FSIP2: variants seen among roughly 807,000 people sequenced by gnomAD.
FSIP2 encodes fibrous sheath-interacting protein 2.
FSIP2 carries 367 observed loss-of-function variants against 510.5 expected under a neutral mutation model. That is an observed-to-expected ratio of 0.72 (90% confidence interval 0.66 to 0.78). The LOEUF (loss-of-function observed/expected upper bound fraction) is 0.78. Among genes scored for constraint, FSIP2 ranks in the 30% least tolerant of loss-of-function variants. FSIP2 has a pLI of 0.00. For synonymous variants in FSIP2, 2,601 were observed against 2,732.2 expected (o/e 0.95, Z 1.50); for missense variants, 7,594 against 7,901.7 (o/e 0.96, Z 1.48).
intron 7 of FSIP2, among the ~76,000 whole-genome samples, chr2:185,752,359 T>C (rs1362339688): frequency 6.6e-6 from 1 of 151,316 alleles, no homozygotes; most frequent in Non-Finnish European, 1.5e-5. Flanking sequence ...TTAAAATTTT[T>C]CTTTTTATCC....
intron 13 of FSIP2, 73 bp from the exon 14 acceptor site, chr2:185,782,632 A>C: frequency 1.2e-6 from 1 of 849,770 alleles, no homozygotes; most frequent in Non-Finnish European, 1.9e-6. Context: ...ATAAATACCT[A>C]CTGGAGGATT....
Position 185,806,982 on chromosome 2 carries a change from T to A in FSIP2, c.17676T>A (p.Pro5892=). The A allele has an allele frequency of 6.2e-7, 1 of 1,608,782 alleles. No individual in the cohort carries two copies. Among genetic ancestry groups the A allele is most frequent in the South Asian group, 1.1e-5 (1 of 90,070 alleles). The change falls in exon 17 of 23, where the codon CCT becomes CCA. Residue 5892 remains proline (P), a synonymous_variant. Coordinates refer to ENST00000424728, the MANE Select transcript of FSIP2 (RefSeq NM_173651.4). ...TAAAATCTGCAGATAAAATGCCACC[T>A]ATGCATAAAATGATGAGAAAACCTT... ...IKIKSADKMP[P]MHKMMRKPSS... is the part of the protein sequence containing the mutation.
chr2:185,803,822 A>C lies in FSIP2; in HGVS notation c.14516A>C (p.Lys4839Thr). 1 of 1,501,122 alleles carries C rather than the reference A, an allele frequency of 6.7e-7. No individual in the cohort carries two copies. 93.0% of individuals were successfully genotyped at this position (1,501,122 alleles called of 1,614,324 possible). A position where few individuals can be genotyped will look rare whatever the true frequency, so the allele number is the denominator to read the frequency against. ...LINEIMSIIS[K>T]HEICIIKYGN... ...AATGAAATTATGTCAATAATTTCAAAACATGAAATATGTATTATTAAATAT... is the reference window on the plus strand; with the variant it reads ...AATGAAATTATGTCAATAATTTCAACACATGAAATATGTATTATTAAATAT... The change falls in exon 17 of 23, where the codon AAA (lysine) becomes ACA (threonine). Residue 4839 changes from lysine to threonine, a missense_variant. Coordinates refer to ENST00000424728, the MANE Select transcript of FSIP2 (RefSeq NM_173651.4).
chr2:185,752,886 A>G (rs1692176076), intron 7 of FSIP2, among the ~76,000 whole-genome samples: 1 of 151,434 alleles, frequency 6.6e-6, no homozygotes, highest in South Asian at 2.1e-4. Context: ...TACTTTGTAT[A>G]CTGAATATTT....
In FSIP2 at chr2:185,793,580, T is replaced by G; in HGVS notation, c.6444T>G (p.Pro2148=). The change falls in exon 16 of 23, where the codon CCT becomes CCG. Residue 2148 remains proline, a synonymous_variant. Coordinates refer to ENST00000424728, the MANE Select transcript of FSIP2 (RefSeq NM_173651.4). ...ANKIIPKLSV[P]KSDVILISND... Reference sequence around the variant, plus strand: ...AGATTATTCCTAAGCTTTCAGTTCCTAAATCAGATGTCATTTTGATATCCA... The same window carrying G: ...AGATTATTCCTAAGCTTTCAGTTCCGAAATCAGATGTCATTTTGATATCCA... The G allele has an allele frequency of 6.5e-7, 1 of 1,534,306 alleles. No individual in the cohort carries two copies. The highest frequency in any genetic ancestry group is 8.7e-7 in the Non-Finnish European group (1 of 1,145,662).
At chr2:185,786,765 C>CCTAA (rs1692990805) in intron 15 of FSIP2, among the ~76,000 whole-genome samples, 1 of 151,722 alleles carries the variant, frequency 6.6e-6, no homozygotes, top group African/African-American at 2.4e-5. Context: ...TTTTATGAGG[C>CCTAA]CTAACTCTGG....
Position 185,772,584 on chromosome 2 carries a change from C to T in FSIP2, c.1411+8019C>T, listed in dbSNP as rs141393309. Among the ~76,000 whole-genome samples, 4 of 152,210 alleles carry T rather than the reference C, an allele frequency of 2.6e-5. No individual in the cohort carries two copies. In the East Asian group the frequency reaches 7.8e-4, roughly 30 times the overall value. ...TGTGAACTCAGCACAAGAACTCACTCATTACTGCTGTAAGGAGGGCACCAA... is the reference window on the plus strand; with the variant it reads ...TGTGAACTCAGCACAAGAACTCACTTATTACTGCTGTAAGGAGGGCACCAA... On this transcript the variant is annotated intron_variant, in intron 13 of 22. Transcript: ENST00000424728.
chr2:185,818,810 G>A (rs1362771979), intron 19 of FSIP2, among the ~76,000 whole-genome samples: 3 of 151,778 alleles, frequency 2.0e-5, no homozygotes, highest in Non-Finnish European at 4.4e-5. Context: ...TACCTGACAA[G>A]AAATGCTAAA....
chr2:185,761,054 C>T lies in FSIP2; in HGVS notation c.1145C>T (p.Ala382Val), dbSNP rs1300593056. ...AATAATTTTACGAAAAAAAACTCAG[C>T]TTCTGTTGTTTATCAGGCAGATGTA... ...SSNNFTKKNS[A>V]SVVYQADVQD... is the part of the protein sequence containing the mutation. The change falls in exon 10 of 23, where the codon GCT (alanine) becomes GTT (valine). Residue 382 changes from alanine (A) to valine (V), a missense_variant. Transcript: ENST00000424728. The T allele has an allele frequency of 1.3e-6, 2 of 1,504,614 alleles. No homozygotes were observed. The highest frequency in any genetic ancestry group is 8.9e-7 in the Non-Finnish European group (1 of 1,122,802). The allele number at this position is 1,504,614 out of a possible 1,614,324, so 93.2% of individuals were successfully genotyped here. A position where few individuals can be genotyped will look rare whatever the true frequency, so the allele number is the denominator to read the frequency against.
intron 19 of FSIP2, among the ~76,000 whole-genome samples, chr2:185,818,718 CA>C (rs1693865886): frequency 6.6e-6 from 1 of 151,572 alleles, no homozygotes; most frequent in Non-Finnish European, 1.5e-5. Context: ...CTACATCCAG[CA>C]AAAAATGTTC....
Position 185,791,769 on chromosome 2 carries a change from G to A in FSIP2, c.4633G>A (p.Val1545Ile). The change falls in exon 16 of 23, where the codon GTT becomes ATT. Residue 1545 changes from valine (V) to isoleucine (I), a missense_variant. Val to Ile is a conservative substitution (Grantham distance 29). Transcript: ENST00000424728. ...KIISSIVSRR[V>I]QEDNKEETKS... The stretch of plus-strand genomic sequence containing the variant: ...AATCTCCAGCATAGTTTCCAGAAGG[G>A]TTCAGGAGGACAATAAAGAAGAGAC... 1.3e-6 allele frequency: 2 copies of A among 1,534,536 alleles called. No homozygotes were observed. The highest frequency in any genetic ancestry group is 1.7e-6 in the Non-Finnish European group (2 of 1,145,678).
chr2:185,803,739 T>C lies in FSIP2; in HGVS notation c.14433T>C (p.Ser4811=). 1 of 1,532,778 alleles carries C rather than the reference T, an allele frequency of 6.5e-7. No individual in the cohort carries two copies. Among genetic ancestry groups the C allele is most frequent in the South Asian group, 1.2e-5 (1 of 83,884 alleles). 94.9% of individuals were successfully genotyped at this position (1,532,778 alleles called of 1,614,324 possible). A position where few individuals can be genotyped will look rare whatever the true frequency, so the allele number is the denominator to read the frequency against. ...LTSQISPLNT[S]AEQSDTTKSD... is the part of the protein sequence containing the mutation. ...CTCAGATAAGTCCATTGAACACCAG[T>C]GCAGAGCAGTCAGATACTACTAAAT... is the stretch of plus-strand genomic sequence containing the variant. Residue 4811 remains serine (S), a synonymous_variant, in exon 17 of 23, where the codon AGT becomes AGC. Coordinates refer to ENST00000424728, the MANE Select transcript of FSIP2 (RefSeq NM_173651.4).
Position 185,795,336 on chromosome 2 carries a change from G to A in FSIP2, c.8200G>A (p.Glu2734Lys). ...NLLDTKLPTS[E>K]LKIYAKDIII... ...ACTGGACACAAAATTGCCCACTTCAGAACTAAAAATATATGCCAAGGATAT... is the reference window on the plus strand; with the variant it reads ...ACTGGACACAAAATTGCCCACTTCAAAACTAAAAATATATGCCAAGGATAT... Residue 2734 changes from glutamate to lysine, a missense_variant, in exon 16 of 23, where the codon GAA becomes AAA. Glu to Lys is a moderately conservative substitution (Grantham distance 56). Coordinates refer to ENST00000424728, the MANE Select transcript of FSIP2 (RefSeq NM_173651.4). 2 of 1,534,760 alleles carry A rather than the reference G, an allele frequency of 1.3e-6. No individual in the cohort carries two copies. Among genetic ancestry groups the A allele is most frequent in the Non-Finnish European group, 1.7e-6 (2 of 1,146,138 alleles).
Position 185,813,800 on chromosome 2 carries a change from C to A in FSIP2, c.20083C>A (p.Gln6695Lys). The A allele has an allele frequency of 6.2e-7, 1 of 1,613,416 alleles. No individual in the cohort carries two copies. ...DQVKEVKKPIQSKLSPKSTLS... is the reference protein window; with the variant it reads ...DQVKEVKKPIKSKLSPKSTLS... ...AGTGAAAGAAGTCAAGAAGCCAATA[C>A]AAAGCAAACTTTCTCCTAAGTCAAC... The change falls in exon 18 of 23, where the codon CAA becomes AAA. Residue 6695 changes from glutamine (Q) to lysine (K), a missense_variant. Gln to Lys is a moderately conservative substitution (Grantham distance 53). Coordinates refer to ENST00000424728, the MANE Select transcript of FSIP2 (RefSeq NM_173651.4).
chr2:185,827,106 T>C (rs1413900396), intron 20 of FSIP2, among the ~76,000 whole-genome samples: 2 of 151,828 alleles, frequency 1.3e-5, no homozygotes, highest in East Asian at 3.9e-4. Context: ...TAAACCCAAA[T>C]GTCCTCAATC....
rs999126333 is a variant in FSIP2 at position 185,808,737 on chromosome 2, T to G, written c.19431T>G (p.Ala6477=). The change falls in exon 17 of 23, where the codon GCT becomes GCG. Residue 6477 remains alanine (A), a synonymous_variant. Coordinates refer to ENST00000424728, the MANE Select transcript of FSIP2 (RefSeq NM_173651.4). ...CAATTAACTCAACAATTTCAAATGC[T>G]GATCTCTCTGGAGAGCTAGACGTTA... ...LDTINSTISN[A]DLSGELDVNR... 1 of 1,612,666 alleles carries G rather than the reference T, an allele frequency of 6.2e-7. No homozygotes were observed.
At chr2:185,785,033 A>T (rs1692936007) in intron 14 of FSIP2, among the ~76,000 whole-genome samples, 1 of 151,988 alleles carries the variant, frequency 6.6e-6, no homozygotes, top group African/African-American at 2.4e-5. Flanking sequence ...ATGCTTTTGG[A>T]GCAAAAAGTC....
chr2:185,788,068 C>T (rs1035873912), intron 15 of FSIP2: 1 of 151,422 alleles, frequency 6.6e-6, no homozygotes, highest in Admixed American at 6.6e-5. Flanking sequence ...TAATTCTTAA[C>T]AATTAACTTT....
At chr2:185,757,184 T>C (rs1216962532) in intron 9 of FSIP2, among the ~76,000 whole-genome samples, 1 of 151,462 alleles carries the variant, frequency 6.6e-6, no homozygotes, top group Non-Finnish European at 1.5e-5. Flanking sequence ...AAAGCAGTTA[T>C]CTCAAGCAAA....
Sources: allele counts gnomAD v4.1 joint callset (sites outside exome capture counted in the v4.1 genomes callset), GRCh38; gene constraint gnomAD v4.1.1; transcripts MANE v1.5; gene names NCBI Gene and HGNC (gene_info 2026-07-23, HGNC 2026-07-21).